DOCK8: variants seen among roughly 807,000 people sequenced by gnomAD.
DOCK8 encodes the protein dedicator of cytokinesis 8, also known as dedicator of cytokinesis protein 8.
A neutral mutation model predicts 245.6 loss-of-function variants in DOCK8; 141 were observed. That is an observed-to-expected ratio of 0.57 (90% CI 0.50 to 0.66). DOCK8 has a LOEUF of 0.66. DOCK8 is among the 30% of genes least tolerant of loss of function. DOCK8 has a pLI of 0.00. For missense variants in DOCK8, 2,965 were observed against 2,603.4 expected, an observed-to-expected ratio of 1.14 and a Z score of -3.02; for synonymous variants, 1,168 against 970.2, an observed-to-expected ratio of 1.20 and a Z score of -3.79.
intron 1 of DOCK8, among the ~76,000 whole-genome samples, chr9:217,844 A>G (rs776052360): frequency 1.3e-5 from 2 of 152,220 alleles, no homozygotes; most frequent in Non-Finnish European, 2.9e-5. Context: ...GCACAAGGCC[A>G]TGTAATTTTT....
chr9:221,193 T>C (rs1224134121), intron 1 of DOCK8, among the ~76,000 whole-genome samples: 1 of 152,130 alleles, frequency 6.6e-6, no homozygotes, highest in East Asian at 1.9e-4. Context: ...TACAAGACAT[T>C]ATGTCATGTC....
chr9:439,558 G>T (rs1459873375), intron 40 of DOCK8, among the ~76,000 whole-genome samples, 170 bp downstream of exon 40: 2 of 152,326 alleles, frequency 1.3e-5, no homozygotes, highest in African/African-American at 4.8e-5. Context: ...TATGCAAATT[G>T]CATGAGCTTC....
Position 330,826 on chromosome 9 carries a change from G to A in DOCK8, c.1045-1572G>A, listed in dbSNP as rs191463280. On this transcript the variant is annotated intron_variant, in intron 9 of 47. Transcript: ENST00000432829. ...TTACACACTTTTGCATAAATCATGA[G>A]GGAACAAACAATAGGTTCTCATGTC... Among the ~76,000 whole-genome samples the A allele has an allele frequency of 3.7e-3, 558 of 152,250 alleles. 6 individuals are homozygous for A. The highest frequency in any genetic ancestry group is 0.013 in the African/African-American group (540 of 41,530).
chr9:282,097 C>T (rs892650745), intron 2 of DOCK8, among the ~76,000 whole-genome samples: 12 of 152,310 alleles, frequency 7.9e-5, no homozygotes, highest in African/African-American at 2.9e-4. Flanking sequence ...TGTTCTTTAT[C>T]AAATTCCCCC....
chr9:329,984 T>G (rs372317517), intron 9 of DOCK8, among the ~76,000 whole-genome samples: 11 of 152,218 alleles, frequency 7.2e-5, no homozygotes, highest in African/African-American at 2.7e-4. Context: ...GTTGCTTCTT[T>G]CCCTTTAAAT....
At chr9:365,003 G>T (rs1370658075) in intron 14 of DOCK8, among the ~76,000 whole-genome samples, 1 of 152,134 alleles carries the variant, frequency 6.6e-6, no homozygotes, top group African/African-American at 2.4e-5. Context: ...GGGAACAGAA[G>T]GCACGAAGGA....
intron 2 of DOCK8, among the ~76,000 whole-genome samples, chr9:283,732 T>G (rs1488588141): frequency 6.6e-6 from 1 of 152,236 alleles, no homozygotes; most frequent in Admixed American, 6.5e-5. Flanking sequence ...TTTCATTCTT[T>G]GTTATGACTG....
intron 1 of DOCK8, among the ~76,000 whole-genome samples, chr9:261,948 T>G (rs531890303): frequency 1.3e-5 from 2 of 152,064 alleles, no homozygotes; most frequent in East Asian, 3.9e-4. Context: ...ATTCTTTCAC[T>G]GTCAGTCTTT....
At chr9:438,646 T>C (rs1225735528) in intron 39 of DOCK8, among the ~76,000 whole-genome samples, 1 of 152,256 alleles carries the variant, frequency 6.6e-6, no homozygotes, top group African/African-American at 2.4e-5. Context: ...CTGCATGCTC[T>C]GCTAGAGGCT....
chr9:270,422 T>C (rs589230), intron 1 of DOCK8, among the ~76,000 whole-genome samples: 48,610 of 152,084 alleles, frequency 0.32, 7,982 homozygotes, highest in East Asian at 0.4. Context: ...GCCTAGACAG[T>C]GCACAGCATG....
chr9:328,327 A>T (rs2050856295), intron 9 of DOCK8, among the ~76,000 whole-genome samples, 156 bp downstream of exon 9: 1 of 152,200 alleles, frequency 6.6e-6, no homozygotes, highest in South Asian at 2.1e-4. Flanking sequence ...CGTTCTAAGT[A>T]AACTGTTTCA....
chr9:325,802 G>A (rs2130808256), intron 8 of DOCK8, 65 bp downstream of exon 8: 2 of 1,362,068 alleles, frequency 1.5e-6, no homozygotes, highest in Middle Eastern at 1.8e-4. Context: ...TTGCATGTAT[G>A]TTTTTAAATT....
At chr9:343,886 C>A (rs1389640530) in intron 14 of DOCK8, among the ~76,000 whole-genome samples, 1 of 152,174 alleles carries the variant, frequency 6.6e-6, no homozygotes, top group Admixed American at 6.5e-5. Flanking sequence ...ATTTAATCAC[C>A]CACAGGTGGC....
intron 5 of DOCK8, 151 bp from the exon 6 acceptor site, chr9:311,803 C>T: frequency 1.0e-6 from 1 of 956,964 alleles, no homozygotes; most frequent in South Asian, 1.3e-5. Flanking sequence ...AGATGTCATT[C>T]TTATCAAATC....
intron 26 of DOCK8, among the ~76,000 whole-genome samples, chr9:401,023 C>G (rs923605575): frequency 2.1e-5 from 3 of 145,056 alleles, no homozygotes; most frequent in African/African-American, 5.2e-5. Context: ...CCATGACCAC[C>G]TCCTTCACCT....
chr9:311,864 A>G, intron 5 of DOCK8, 90 bp from the exon 6 acceptor site: 2 of 1,516,922 alleles, frequency 1.3e-6, no homozygotes, highest in South Asian at 2.3e-5. Flanking sequence ...GTAGTCCCAA[A>G]TTGGAGCAGT....
chr9:392,008 G>T (rs1201263466), intron 24 of DOCK8, among the ~76,000 whole-genome samples: 2 of 151,316 alleles, frequency 1.3e-5, no homozygotes, highest in Non-Finnish European at 2.9e-5. Context: ...TGTGGTGGCG[G>T]GTGCCTGTAA....
chr9:221,923 ATGAT>A (rs2046891767), intron 1 of DOCK8, among the ~76,000 whole-genome samples: 1 of 151,986 alleles, frequency 6.6e-6, no homozygotes, highest in Non-Finnish European at 1.5e-5. Flanking sequence ...TAGATGTAAA[ATGAT>A]TTATTAAATT....
intron 9 of DOCK8, 105 bp from the exon 10 acceptor site, chr9:332,293 C>T (rs1586721396): frequency 1.3e-6 from 1 of 774,938 alleles, no homozygotes; most frequent in Non-Finnish European, 2.2e-6. Flanking sequence ...AGATAGCTTC[C>T]TATGTCATCA....
Sources: gnomAD v4.1 joint callset for allele counts (sites outside exome capture counted in the v4.1 genomes callset) on GRCh38, gnomAD v4.1.1 for gene constraint, MANE v1.5 for transcripts, NCBI Gene and HGNC (gene_info 2026-07-23, HGNC 2026-07-21) for gene names.